The following ADGRL2 variants were observed in gnomAD, a reference collection of about 807,000 sequenced individuals.
The protein encoded by ADGRL2 is adhesion G protein-coupled receptor L2.
In ADGRL2, 44 loss-of-function variants were observed where a neutral mutation model predicts 157.4. That is an observed-to-expected ratio of 0.28 (90% CI 0.22 to 0.36). The LOEUF (loss-of-function observed/expected upper bound fraction) is 0.36. ADGRL2 is among the 10% of genes least tolerant of loss of function. The pLI, the probability that ADGRL2 is intolerant of heterozygous loss-of-function variation, is 1.00. For synonymous variants in ADGRL2, 585 were observed against 624.7 expected, an observed-to-expected ratio of 0.94 and a Z score of 0.95; for missense variants, 1,510 against 1,768.9, an observed-to-expected ratio of 0.85 and a Z score of 2.63.
At chr1:81,973,954 T>A (rs934132393) in intron 17 of ADGRL2, among the ~76,000 whole-genome samples, 1 of 152,046 alleles carries the variant, frequency 6.6e-6, no homozygotes, top group African/African-American at 2.4e-5. Context: ...TATATATATA[T>A]CTTCCCTCTG....
chr1:81,987,500 TA>T (rs1447216846), intron 22 of ADGRL2: 14 of 656,452 alleles, frequency 2.1e-5, no homozygotes, highest in Non-Finnish European at 3.9e-5. Flanking sequence ...AGTGCAGCTT[TA>T]TGGTAGTTTT....
At chr1:81,972,895 G>C (rs1313265466) in intron 17 of ADGRL2, among the ~76,000 whole-genome samples, 1 of 132,108 alleles carries the variant, frequency 7.6e-6, no homozygotes, top group African/African-American at 2.9e-5. Flanking sequence ...CTGGGCAACA[G>C]AGCGAGACCC....
chr1:81,737,056 G>A (rs759537176), intron 1 of ADGRL2, among the ~76,000 whole-genome samples: 14 of 151,756 alleles, frequency 9.2e-5, no homozygotes, highest in African/African-American at 2.4e-4. Context: ...GCATGGTCTC[G>A]ATCTCCTGAC....
intron 2 of ADGRL2, among the ~76,000 whole-genome samples, chr1:81,560,695 TGA>T (rs2080420413): frequency 6.6e-6 from 1 of 151,950 alleles, no homozygotes; most frequent in Non-Finnish European, 1.5e-5. Flanking sequence ...ATGATCGTGG[TGA>T]AGAAGGAAGA....
chr1:81,505,312 G>A (rs1382849189), intron 2 of ADGRL2, among the ~76,000 whole-genome samples: 1 of 151,454 alleles, frequency 6.6e-6, no homozygotes, highest in African/African-American at 2.4e-5. Context: ...TGCCAGTGAG[G>A]AGCCCAGTTG....
intron 1 of ADGRL2, among the ~76,000 whole-genome samples, chr1:81,731,703 CCAGA>C (rs35879776): frequency 0.084 from 12,765 of 151,958 alleles, 710 homozygotes; most frequent in South Asian, 0.15. Context: ...TTAAATTTTG[CCAGA>C]CAGTGTTCAG....
intron 2 of ADGRL2, among the ~76,000 whole-genome samples, chr1:81,550,812 C>T (rs2080127647): frequency 6.6e-6 from 1 of 150,660 alleles, no homozygotes. Flanking sequence ...GCTTTCCGTT[C>T]TACCCTCTTT....
chr1:81,503,574 T>C, intron 2 of ADGRL2: 1 of 1,322,096 alleles, frequency 7.6e-7, no homozygotes, highest in African/African-American at 1.4e-5. Flanking sequence ...CGAGCACCAT[T>C]TGGCCAGACA....
chr1:81,534,206 G>C (rs182238240), intron 2 of ADGRL2, among the ~76,000 whole-genome samples: 7 of 151,904 alleles, frequency 4.6e-5, no homozygotes, highest in Non-Finnish European at 8.8e-5. Flanking sequence ...CTGTTGCTCA[G>C]GCTGGAGTGC....
intron 3 of ADGRL2, among the ~76,000 whole-genome samples, chr1:81,923,625 G>A (rs1205061203): frequency 6.6e-6 from 1 of 151,976 alleles, no homozygotes; most frequent in Non-Finnish European, 1.5e-5. Flanking sequence ...TTAAAGAAAT[G>A]ACAACTAGTG....
intron 1 of ADGRL2, among the ~76,000 whole-genome samples, chr1:81,403,880 C>T (rs569018219): frequency 2.0e-5 from 3 of 150,268 alleles, no homozygotes; most frequent in African/African-American, 7.3e-5. Context: ...TCACTGCAAA[C>T]TCTGCCTCCC....
chr1:81,396,415 T>G (rs1173298649), intron 1 of ADGRL2, among the ~76,000 whole-genome samples: 1 of 152,188 alleles, frequency 6.6e-6, no homozygotes, highest in Admixed American at 6.5e-5. Flanking sequence ...TTTTAGGGTT[T>G]TCTGTATATA....
intron 3 of ADGRL2, among the ~76,000 whole-genome samples, chr1:81,619,515 C>A (rs2081741992): frequency 1.5e-5 from 2 of 132,136 alleles, no homozygotes; most frequent in Non-Finnish European, 3.4e-5. Context: ...AGATGCACTT[C>A]TGCTCCCTAA....
At chr1:81,831,619 T>C (rs1369439916) in intron 1 of ADGRL2, among the ~76,000 whole-genome samples, 1 of 152,050 alleles carries the variant, frequency 6.6e-6, no homozygotes, top group Non-Finnish European at 1.5e-5. Context: ...ATAAAATGGA[T>C]ATATTTCTTA....
chr1:81,743,649 T>C (rs1466342601), intron 1 of ADGRL2, among the ~76,000 whole-genome samples: 2 of 152,102 alleles, frequency 1.3e-5, no homozygotes, highest in Non-Finnish European at 2.9e-5. Context: ...AGCAGTCATC[T>C]ATTAACCTAC....
intron 2 of ADGRL2, among the ~76,000 whole-genome samples, chr1:81,887,334 A>G (rs139669953): frequency 6.6e-6 from 1 of 152,328 alleles, no homozygotes; most frequent in African/African-American, 2.4e-5. Flanking sequence ...CTTGGTTCCA[A>G]TTTTTTAATT....
intron 3 of ADGRL2, among the ~76,000 whole-genome samples, chr1:81,677,373 T>C (rs1037340546): frequency 1.3e-5 from 2 of 152,212 alleles, no homozygotes; most frequent in Non-Finnish European, 2.9e-5. Context: ...GTCTTAACTT[T>C]CCTGAGCTTC....
chr1:81,992,174 A>G lies in ADGRL2; in HGVS notation c.*1029A>G, dbSNP rs1200579134. On this transcript the variant is annotated 3_prime_UTR_variant, in exon 24 of 24. Transcript: ENST00000686636. ...GCACTTCTCACAAACTTTCTAGTGA[A>G]CAAAAGGTGCCTATTCTTTTTTAAA... 1.3e-5 allele frequency: 2 copies of G among 152,600 alleles called. No individual in the cohort carries two copies. Among genetic ancestry groups the G allele is most frequent in the South Asian group, 2.1e-4 (1 of 4,826 alleles). The allele number at this position is 152,600 out of a possible 1,614,324, so 9.5% of individuals were successfully genotyped here.
rs191580416 is a variant in ADGRL2 at position 81,611,065 on chromosome 1, T to C, written c.-143+30085T>C. On this transcript the variant is annotated intron_variant, in intron 3 of 24. Coordinates refer to the ADGRL2 transcript ENST00000370721. Reference sequence around the variant, plus strand: ...TTTTTTCAGAGTTTGTAGAAATTTCTAGAGGTACAGTAAAGCCTTCAGTAG... The same window carrying C: ...TTTTTTCAGAGTTTGTAGAAATTTCCAGAGGTACAGTAAAGCCTTCAGTAG... 1.7e-3 allele frequency among the ~76,000 whole-genome samples: 260 copies of C among 152,368 alleles called. 1 individual carries two copies. The highest frequency in any genetic ancestry group is 1.4e-3 in the Non-Finnish European group (95 of 68,036).
Sources: gnomAD v4.1 joint callset for allele counts (sites outside exome capture counted in the v4.1 genomes callset) on GRCh38, gnomAD v4.1.1 for gene constraint, MANE v1.5 for transcripts, NCBI Gene and HGNC (gene_info 2026-07-23, HGNC 2026-07-21) for gene names.